C2CD2L: variants seen among roughly 807,000 people sequenced by gnomAD.
C2CD2L encodes the protein C2CD2 like, also known as phospholipid transfer protein C2CD2L.
C2CD2L carries 24 observed loss-of-function variants against 69.9 expected under a neutral mutation model. That is an observed-to-expected ratio of 0.34 (90% CI 0.25 to 0.48). The LOEUF is 0.48. Ranked by LOEUF, C2CD2L falls within the 20% of genes least tolerant of loss-of-function variation. The pLI, the probability that C2CD2L is intolerant of heterozygous loss-of-function variation, is 0.99. For missense variants in C2CD2L, 811 were observed against 941.5 expected (o/e 0.86, Z 1.81); for synonymous variants, 367 against 391.0 (o/e 0.94, Z 0.72).
chr11:119,110,107 T>G lies in C2CD2L; in HGVS notation c.358T>G (p.Ser120Ala). ...LNEQACRNGS[S>A]IQIAFEEVPQ... ...AATGCCCACATTACTCCCTCAGAGC[T>G]CCATCCAAATCGCCTTTGAGGAGGT... The change falls in exon 2 of 14, where the codon TCC becomes GCC. Residue 120 changes from serine (S) to alanine (A), a missense_variant. Physicochemically the swap from Ser to Ala is moderately conservative, Grantham distance 99 (BLOSUM62 1). Coordinates refer to ENST00000648610, the MANE Select transcript of C2CD2L (RefSeq NM_001290474.2). The surrounding 1 kb of genome is among the most constrained non-coding windows in gnomAD (Gnocchi z 5.7). 1 of 1,611,436 alleles carries G rather than the reference T, an allele frequency of 6.2e-7. No homozygotes were observed. The highest frequency in any genetic ancestry group is 8.5e-7 in the Non-Finnish European group (1 of 1,177,616).
rs1946943689 is a variant in C2CD2L, at chr11:119,118,473, G to A, written c.*2217G>A. 1 of 152,252 alleles carries A rather than the reference G, an allele frequency of 6.6e-6. No individual in the cohort carries two copies. Among genetic ancestry groups the A allele is most frequent in the South Asian group, 2.1e-4 (1 of 4,828 alleles). 9.4% of individuals were successfully genotyped at this position (152,252 alleles called of 1,614,324 possible). On this transcript the variant is annotated 3_prime_UTR_variant, in exon 14 of 14. Coordinates refer to ENST00000648610, the MANE Select transcript of C2CD2L (RefSeq NM_001290474.2). Reference sequence around the variant, plus strand: ...GTATTCCACTGTGTGTGTGTGTGTTGGGCGATGATAATGATGTCCATTGCT... The same window carrying A: ...GTATTCCACTGTGTGTGTGTGTGTTAGGCGATGATAATGATGTCCATTGCT...
Position 119,116,463 on chromosome 11 carries a change from A to AG in C2CD2L, c.*210dup, listed in dbSNP as rs1946895925. 1.7e-6 allele frequency: 1 copy of AG among 597,638 alleles called. No homozygotes were observed. The highest frequency in any genetic ancestry group is 3.0e-6 in the Non-Finnish European group (1 of 335,510). 37.0% of individuals were successfully genotyped at this position (597,638 alleles called of 1,614,324 possible). On this transcript the variant is annotated 3_prime_UTR_variant, in exon 14 of 14. Transcript: ENST00000648610. ...GCACCCGGTGCCGAGGACATGGACG[A>AG]GGGACTGGTGGCTGGGAGGGAGAGG...
chr11:119,107,775 T>A lies in C2CD2L; in HGVS notation c.34T>A (p.Trp12Arg). Residue 12 changes from tryptophan to arginine, a missense_variant, in exon 1 of 14, where the codon TGG becomes AGG. Trp to Arg is a moderately radical substitution (Grantham distance 101). Transcript: ENST00000648610. This position sits in a 1 kb window ranked among gnomAD's most constrained non-coding sequence, Gnocchi z 5.4. ...GGGCTGGGGGCAGCGGGACGTGGGC[T>A]GGGCGGCCTTGCTGATCCTCTTCGC... ...DPGWGQRDVG[W>R]AALLILFAAS... The A allele has an allele frequency of 6.5e-7, 1 of 1,542,186 alleles. No homozygotes were observed.
chr11:119,103,437 C>G (rs1946541223), upstream of C2CD2L, among the ~76,000 whole-genome samples: 1 of 152,194 alleles, frequency 6.6e-6, no homozygotes, highest in Non-Finnish European at 1.5e-5. Context: ...TGGCTAACGT[C>G]TGTAATCCCA....
chr11:119,113,397 C>T (rs1397892743), intron 10 of C2CD2L: 1 of 624,392 alleles, frequency 1.6e-6, no homozygotes, highest in Non-Finnish European at 2.7e-6. Flanking sequence ...CTCCCCACAC[C>T]TTCAGCAGGC....
Position 119,117,715 on chromosome 11 carries a change from C to T in C2CD2L, c.*1459C>T, listed in dbSNP as rs184842637. ...TTGATAGATCCTAGCAAACTGTGTC[C>T]CTGGTTCCCGTGCTTGAGATCTTAT... On this transcript the variant is annotated 3_prime_UTR_variant, in exon 14 of 14. Coordinates refer to ENST00000648610, the MANE Select transcript of C2CD2L (RefSeq NM_001290474.2). 6.6e-6 allele frequency: 1 copy of T among 152,134 alleles called. No homozygotes were observed. The highest frequency in any genetic ancestry group is 6.5e-5 in the Admixed American group (1 of 15,270). The allele number at this position is 152,134 out of a possible 1,614,324, so 9.4% of individuals were successfully genotyped here.
intron 7 of C2CD2L, 145 bp from the exon 8 acceptor site, chr11:119,112,183 A>C: frequency 1.4e-6 from 1 of 697,912 alleles, no homozygotes; most frequent in Non-Finnish European, 2.4e-6. Context: ...ACGAGAGAGA[A>C]TTTGGAGGCC....
At chr11:119,108,327 T>C (rs1946645408) in intron 1 of C2CD2L, 3 of 479,730 alleles carry the variant, frequency 6.3e-6, no homozygotes, top group Non-Finnish European at 1.1e-5. Flanking sequence ...TCCAAACCCA[T>C]GCACAAGTTG....
rs1193633951 is a variant in C2CD2L, at chr11:119,107,756, G to A, written c.15G>A (p.Trp5Ter). The change falls in exon 1 of 14, where the codon TGG becomes TGA. Residue 5 changes from tryptophan (W) to a stop codon, truncating the protein, a stop_gained. Coordinates refer to ENST00000648610, the MANE Select transcript of C2CD2L (RefSeq NM_001290474.2). LOFTEE classifies it high-confidence loss of function. The surrounding 1 kb of genome is among the most constrained non-coding windows in gnomAD (Gnocchi z 5.4). The part of the protein sequence containing the change: MDPG[W>*]GQRDVGWAAL... ...CCGCGCGGAGCATGGATCCGGGCTGGGGGCAGCGGGACGTGGGCTGGGCGG... is the reference window on the plus strand; with the variant it reads ...CCGCGCGGAGCATGGATCCGGGCTGAGGGCAGCGGGACGTGGGCTGGGCGG... The A allele has an allele frequency of 1.3e-6, 2 of 1,533,354 alleles. No homozygotes were observed. The highest frequency in any genetic ancestry group is 1.2e-5 in the South Asian group (1 of 83,884). 95.0% of individuals were successfully genotyped at this position (1,533,354 alleles called of 1,614,324 possible). A position where few individuals can be genotyped will look rare whatever the true frequency, so the allele number is the denominator to read the frequency against.
At position 119,114,594 on chromosome 11, in the gene C2CD2L, T is replaced by C. The variant is rs1199804257; in HGVS notation, c.1909+229T>C. 2 of 564,086 alleles carry C rather than the reference T, an allele frequency of 3.5e-6. No individual in the cohort carries two copies. Among genetic ancestry groups the C allele is most frequent in the Admixed American group, 6.2e-5 (2 of 32,158 alleles). The allele number at this position is 564,086 out of a possible 1,614,324, so 34.9% of individuals were successfully genotyped here. On this transcript the variant is annotated intron_variant, in intron 13 of 13. Coordinates refer to ENST00000648610, the MANE Select transcript of C2CD2L (RefSeq NM_001290474.2). The surrounding 1 kb of genome is among the most constrained non-coding windows in gnomAD (Gnocchi z 5.1). ...GCCAAATTATTTCCCTTTACCTCCA[T>C]TGTTCTTTCTTCCTGAGTCTAAGTG... is the stretch of plus-strand genomic sequence containing the variant.
upstream of C2CD2L, among the ~76,000 whole-genome samples, chr11:119,106,338 T>A (rs1192376188): frequency 6.6e-6 from 1 of 152,234 alleles, no homozygotes; most frequent in Non-Finnish European, 1.5e-5. Context: ...AGAAAGGGAC[T>A]GTGTGCCAAA....
chr11:119,111,723 T>G, intron 7 of C2CD2L, 94 bp downstream of exon 7: 1 of 870,460 alleles, frequency 1.1e-6, no homozygotes, highest in Non-Finnish European at 1.8e-6. Flanking sequence ...CTGTTTTCAG[T>G]AGCCTTTGGC....
upstream of C2CD2L, among the ~76,000 whole-genome samples, chr11:119,102,614 A>G (rs780544780): frequency 8.6e-5 from 13 of 151,814 alleles, no homozygotes; most frequent in Non-Finnish European, 1.5e-4. Flanking sequence ...TTAACTCGAG[A>G]CTTCAGCTTG....
chr11:119,113,956 C>T lies in C2CD2L; in HGVS notation c.1591C>T (p.Arg531Cys), dbSNP rs1380523813. The T allele has an allele frequency of 8.7e-6, 14 of 1,614,068 alleles. No homozygotes were observed. The highest frequency in any genetic ancestry group is 5.3e-5 in the African/African-American group (4 of 74,922). The stretch of plus-strand genomic sequence containing the variant: ...GGTGGCCAAGAAGACACCCACCAAG[C>T]GCAGCACTCTCATCATCTCTGGTGT... ...GRVAKKTPTK[R>C]STLIISGVSK... is the part of the protein sequence containing the mutation. The change falls in exon 12 of 14, where the codon CGC (arginine) becomes TGC (cysteine). Residue 531 changes from arginine (R) to cysteine (C), a missense_variant. Coordinates refer to ENST00000648610, the MANE Select transcript of C2CD2L (RefSeq NM_001290474.2).
In C2CD2L at chr11:119,118,449, T is replaced by G. The variant is rs546409081; in HGVS notation, c.*2193T>G. The G allele has an allele frequency of 6.6e-6, 1 of 152,358 alleles. No individual in the cohort carries two copies. Among genetic ancestry groups the G allele is most frequent in the East Asian group, 1.9e-4 (1 of 5,192 alleles). 9.4% of individuals were successfully genotyped at this position (152,358 alleles called of 1,614,324 possible). On this transcript the variant is annotated 3_prime_UTR_variant, in exon 14 of 14. Transcript: ENST00000648610. ...TTCATTCTTTTTTATGGCTGAGTAG[T>G]ATTCCACTGTGTGTGTGTGTGTTGG...
chr11:119,112,690 C>G lies in C2CD2L; in HGVS notation c.1213-10C>G, dbSNP rs1451741221. ...AGGCTCTGTCTCTTCTCTCTCCCAC[C>G]CCTGGGCAGCTTCACTATGAGGAGG... On this transcript the variant is annotated splice_polypyrimidine_tract_variant and intron_variant, in intron 9 of 13. Transcript: ENST00000648610. The G allele has an allele frequency of 1.9e-6, 3 of 1,612,626 alleles. No individual in the cohort carries two copies. Among genetic ancestry groups the G allele is most frequent in the Non-Finnish European group, 2.5e-6 (3 of 1,179,258 alleles).
Position 119,111,396 on chromosome 11 carries a change from G to A in C2CD2L, c.910+22G>A, listed in dbSNP as rs761830492. 1.1e-5 allele frequency: 18 copies of A among 1,608,094 alleles called. 1 individual carries two copies. The highest frequency in any genetic ancestry group is 5.0e-5 in the Admixed American group (3 of 60,000). ...GAAGGTGAGAGCTGGAAGTGGCTGCGGGACTGCCAAGGCTATGGTTGGTTG... is the reference window on the plus strand; with the variant it reads ...GAAGGTGAGAGCTGGAAGTGGCTGCAGGACTGCCAAGGCTATGGTTGGTTG... On this transcript the variant is annotated intron_variant, in intron 6 of 13. Transcript: ENST00000648610.
In C2CD2L at chr11:119,111,331, C is replaced by T. The variant is rs1477353819; in HGVS notation, c.867C>T (p.Phe289=). The change falls in exon 6 of 14, where the codon TTC becomes TTT. Residue 289 remains phenylalanine (F), a synonymous_variant. Transcript: ENST00000648610. ...CCATCCCCAGACCTAACCGGTTATT[C>T]CTACGGCAGCTTCGGGCATCTCACT... ...QPAIPRPNRL[F]LRQLRASHLG... 6.2e-7 allele frequency: 1 copy of T among 1,614,104 alleles called. No homozygotes were observed. Among genetic ancestry groups the T allele is most frequent in the Non-Finnish European group, 8.5e-7 (1 of 1,180,044 alleles).
In C2CD2L at chr11:119,109,016, G is replaced by A. The variant is rs575402205; in HGVS notation, c.354+921G>A. On this transcript the variant is annotated intron_variant, in intron 1 of 13. Transcript: ENST00000648610. This position sits in a 1 kb window ranked among gnomAD's most constrained non-coding sequence, Gnocchi z 5.1. ...GCTGGCTAAAAGCCAGATGGCATCT[G>A]TCAGTTTACACCTTGAACCCACCTC... 1.3e-5 allele frequency among the ~76,000 whole-genome samples: 2 copies of A among 152,322 alleles called. No homozygotes were observed. Among genetic ancestry groups the A allele is most frequent in the South Asian group, 4.1e-4 (2 of 4,828 alleles).
Sources: gnomAD v4.1 joint callset for allele counts (sites outside exome capture counted in the v4.1 genomes callset) on GRCh38, gnomAD v4.1.1 for gene constraint, Gnocchi (gnomAD v3.1) non-coding constraint, MANE v1.5 for transcripts, NCBI Gene and HGNC (gene_info 2026-07-23, HGNC 2026-07-21) for gene names.